The following FSTL5 variants were observed in gnomAD, a reference collection of about 807,000 sequenced individuals.
The protein encoded by FSTL5 is follistatin-related protein 5.
In FSTL5, 62 loss-of-function variants were observed where a neutral mutation model predicts 89.1. That is an observed-to-expected ratio of 0.70 (90% CI 0.57 to 0.86). FSTL5 has a LOEUF of 0.86. FSTL5 is among the 40% of genes least tolerant of loss of function. FSTL5 has a pLI of 0.00. For missense variants in FSTL5, 1,057 were observed against 1,001.6 expected, an observed-to-expected ratio of 1.06 and a Z score of -0.75; for synonymous variants, 383 against 346.2, an observed-to-expected ratio of 1.11 and a Z score of -1.18.
At chr4:161,693,319 A>G (rs1485179378) in intron 6 of FSTL5, among the ~76,000 whole-genome samples, 1 of 152,156 alleles carries the variant, frequency 6.6e-6, no homozygotes, top group African/African-American at 2.4e-5. Flanking sequence ...AGTCTTACAG[A>G]AAATATTATG....
At chr4:161,536,355 AC>A (rs928568777) in intron 10 of FSTL5, among the ~76,000 whole-genome samples, 4 of 152,170 alleles carry the variant, frequency 2.6e-5, no homozygotes, top group Non-Finnish European at 5.9e-5. Flanking sequence ...CTAGAAAAGA[AC>A]CCAGATCCAC....
intron 2 of FSTL5, among the ~76,000 whole-genome samples, chr4:162,075,833 G>C (rs1371314061): frequency 6.6e-6 from 1 of 151,830 alleles, no homozygotes; most frequent in Non-Finnish European, 1.5e-5. Context: ...TACAAAGGCT[G>C]TCACAACTGT....
At position 161,951,038 on chromosome 4, in the gene FSTL5, G is replaced by A. The variant is rs569722552; in HGVS notation, c.161-30386C>T. On this transcript the variant is annotated intron_variant, in intron 3 of 15. Coordinates refer to ENST00000306100, the MANE Select transcript of FSTL5 (RefSeq NM_020116.5). ...CAGTGGGAGGTAATTGAATCACGGC[G>A]CCAGTGTTTTCCGTGCTGTTCTCAT... Among the ~76,000 whole-genome samples the A allele has an allele frequency of 5.9e-5, 9 of 152,000 alleles. No homozygotes were observed. The South Asian group carries it at 8.3e-4, about 14-fold the overall frequency.
intron 15 of FSTL5, among the ~76,000 whole-genome samples, chr4:161,451,846 C>T (rs1204455055): frequency 1.3e-5 from 2 of 152,178 alleles, no homozygotes; most frequent in Non-Finnish European, 1.5e-5. Context: ...TCCTTCTTTA[C>T]TTCCATTCCT....
At position 161,766,238 on chromosome 4, in the gene FSTL5, G is replaced by A. The variant is rs556086771; in HGVS notation, c.607-6707C>T. ...CTTTGCTCACTTAAATTCTATGAGT[G>A]TTATTTTATCAAATGGGGAAAGGGC... On this transcript the variant is annotated intron_variant, in intron 5 of 15. Coordinates refer to ENST00000306100, the MANE Select transcript of FSTL5 (RefSeq NM_020116.5). Among the ~76,000 whole-genome samples the A allele has an allele frequency of 2.7e-4, 41 of 152,120 alleles. 1 individual carries two copies. The highest frequency in any genetic ancestry group is 4.9e-4 in the Non-Finnish European group (33 of 68,018).
chr4:162,081,818 T>A (rs371293265), intron 2 of FSTL5, among the ~76,000 whole-genome samples: 480 of 133,228 alleles, frequency 3.6e-3, no homozygotes, highest in African/African-American at 0.01. Flanking sequence ...TCTCTCTCTC[T>A]CACACACACA....
At chr4:161,800,275 C>T (rs1443101219) in intron 4 of FSTL5, among the ~76,000 whole-genome samples, 1 of 151,514 alleles carries the variant, frequency 6.6e-6, no homozygotes, top group Non-Finnish European at 1.5e-5. Context: ...TTATACAAAA[C>T]CCGTTCAAAC....
intron 15 of FSTL5, among the ~76,000 whole-genome samples, chr4:161,415,194 G>T (rs1731727827): frequency 6.6e-6 from 1 of 152,022 alleles, no homozygotes; most frequent in Admixed American, 6.5e-5. Context: ...ATATTTAAGA[G>T]TTACAATATA....
At chr4:161,933,167 G>T (rs1734339775) in intron 3 of FSTL5, among the ~76,000 whole-genome samples, 1 of 152,024 alleles carries the variant, frequency 6.6e-6, no homozygotes, top group Non-Finnish European at 1.5e-5. Context: ...ACATGGTCTG[G>T]CACCTCACTC....
chr4:162,145,677 T>C (rs901434352), intron 1 of FSTL5, among the ~76,000 whole-genome samples: 6 of 152,146 alleles, frequency 3.9e-5, no homozygotes, highest in Admixed American at 1.3e-4. Context: ...TCTTTTCTAT[T>C]ATTTTACTGA....
intron 6 of FSTL5, among the ~76,000 whole-genome samples, chr4:161,721,769 T>C (rs1175377611): frequency 6.6e-6 from 1 of 152,214 alleles, no homozygotes; most frequent in Non-Finnish European, 1.5e-5. Context: ...CCGTCCCATA[T>C]AGGCAAGCTT....
rs557713642 is a variant in FSTL5, at chr4:161,438,961, G to GTT, written c.1841+16041_1841+16042dup. ...GTGAGTACAAATATTGATGATTATAGTTTTTTTTTTTTAACACATTGACAA... is the reference window on the plus strand; with the variant it reads ...GTGAGTACAAATATTGATGATTATAGTTTTTTTTTTTTTTAACACATTGACAA... On this transcript the variant is annotated intron_variant, in intron 15 of 15. Coordinates refer to ENST00000306100, the MANE Select transcript of FSTL5 (RefSeq NM_020116.5). Among the ~76,000 whole-genome samples, 347 of 145,864 alleles carry GTT rather than the reference G, an allele frequency of 2.4e-3. 1 individual carries two copies. Among genetic ancestry groups the GTT allele is most frequent in the African/African-American group, 8.1e-3 (324 of 40,044 alleles).
At chr4:162,074,439 A>G (rs1440876129) in intron 2 of FSTL5, among the ~76,000 whole-genome samples, 1 of 151,718 alleles carries the variant, frequency 6.6e-6, no homozygotes, top group African/African-American at 2.4e-5. Context: ...TATGTTTCAA[A>G]ATGGGATACC....
intron 3 of FSTL5, among the ~76,000 whole-genome samples, chr4:161,990,204 T>C (rs984036995): frequency 6.6e-6 from 1 of 152,262 alleles, no homozygotes; most frequent in South Asian, 2.1e-4. Context: ...AATTAGACTA[T>C]ACAACCAATA....
intron 3 of FSTL5, among the ~76,000 whole-genome samples, chr4:161,990,419 A>T (rs112094271): frequency 0.055 from 8,359 of 152,222 alleles, 264 homozygotes; most frequent in Non-Finnish European, 0.077. Flanking sequence ...AAGTTAAAAG[A>T]TATTTAAAGC....
At chr4:161,994,279 C>G (rs1191403218) in intron 3 of FSTL5, among the ~76,000 whole-genome samples, 1 of 152,162 alleles carries the variant, frequency 6.6e-6, no homozygotes, top group Non-Finnish European at 1.5e-5. Context: ...TTTTCTTTAA[C>G]CAGCCTGTCA....
intron 10 of FSTL5, among the ~76,000 whole-genome samples, chr4:161,524,541 T>C (rs953868679): frequency 6.6e-6 from 1 of 152,222 alleles, no homozygotes; most frequent in African/African-American, 2.4e-5. Context: ...ATTTGGCTTT[T>C]TTTTCATGCA....
chr4:161,963,699 A>G (rs1028257303), intron 3 of FSTL5, among the ~76,000 whole-genome samples: 4 of 152,004 alleles, frequency 2.6e-5, no homozygotes, highest in South Asian at 2.1e-4. Flanking sequence ...AGTTTGCCCA[A>G]CTATTACTGC....
At chr4:161,758,329 CT>C (rs1272630767) in intron 6 of FSTL5, among the ~76,000 whole-genome samples, 2 of 151,560 alleles carry the variant, frequency 1.3e-5, no homozygotes, top group Non-Finnish European at 2.9e-5. Context: ...CCTATCTTTT[CT>C]GAAAAAAAAA....
Sources: allele counts gnomAD v4.1 joint callset (sites outside exome capture counted in the v4.1 genomes callset), GRCh38; gene constraint gnomAD v4.1.1; transcripts MANE v1.5; gene names NCBI Gene and HGNC (gene_info 2026-07-23, HGNC 2026-07-21).